Variants in SMR3B observed in about 807,000 individuals in gnomAD.
SMR3B encodes the protein submaxillary gland androgen-regulated protein 3B.
For synonymous variants in SMR3B, 42 were observed against 36.1 expected, an observed-to-expected ratio of 1.16 and a Z score of -0.59; for missense variants, 114 against 99.9, an observed-to-expected ratio of 1.14 and a Z score of -0.60.
chr4:70,387,962 A>C (rs1485995108), intron 2 of SMR3B, among the ~76,000 whole-genome samples: 2 of 152,198 alleles, frequency 1.3e-5, no homozygotes, highest in Non-Finnish European at 2.9e-5. Flanking sequence ...GTTTAGATTT[A>C]ACAAGGGTAA....
rs751349249 is a variant in SMR3B, at chr4:70,389,650, C to A, written c.55-13C>A. 4 of 1,610,392 alleles carry A rather than the reference C, an allele frequency of 2.5e-6. No individual in the cohort carries two copies. Among genetic ancestry groups the A allele is most frequent in the Non-Finnish European group, 3.4e-6 (4 of 1,177,666 alleles). On this transcript the variant is annotated splice_polypyrimidine_tract_variant and intron_variant, in intron 2 of 2. Coordinates refer to ENST00000304915, the MANE Select transcript of SMR3B (RefSeq NM_006685.4). ...ATATCTGATTTGAAATTATTTACTTCTTATTTCCACAGCCTGGTGAGAGTC... is the reference window on the plus strand; with the variant it reads ...ATATCTGATTTGAAATTATTTACTTATTATTTCCACAGCCTGGTGAGAGTC...
At chr4:70,386,279 AAAAAAAAAGAAAAAAG>A (rs1166472302) in intron 2 of SMR3B, among the ~76,000 whole-genome samples, 2 of 151,492 alleles carry the variant, frequency 1.3e-5, no homozygotes, top group African/African-American at 2.4e-5. Flanking sequence ...TCTCAAAAAA[AAAAAAAAAGAAAAAAG>A]AAAAAGATAG....
chr4:70,389,838 C>G lies in SMR3B; in HGVS notation c.230C>G (p.Pro77Arg), dbSNP rs767499999. 9 of 1,613,838 alleles carry G rather than the reference C, an allele frequency of 5.6e-6. No homozygotes were observed. In the East Asian group the frequency reaches 1.8e-4, roughly 32 times the overall value. The change falls in exon 3 of 3, where the codon CCT (proline) becomes CGT (arginine). Residue 77 changes from proline to arginine, a missense_variant. Transcript: ENST00000304915. Reference protein sequence around the residue: ...YGPGIFPPPPPQP With the variant: ...YGPGIFPPPPRQP Reference sequence around the variant, plus strand: ...CCAGGGATATTTCCACCACCCCCTCCTCAACCCTAAGGTCCACCACTCCAT... The same window carrying G: ...CCAGGGATATTTCCACCACCCCCTCGTCAACCCTAAGGTCCACCACTCCAT...
chr4:70,384,349 T>C, intron 1 of SMR3B, 148 bp from the exon 2 acceptor site: 1 of 1,358,616 alleles, frequency 7.4e-7, no homozygotes, highest in Non-Finnish European at 9.9e-7. Flanking sequence ...CCCACAGTAA[T>C]ACTGAATTCA....
At chr4:70,387,109 G>A (rs1181944445) in intron 2 of SMR3B, among the ~76,000 whole-genome samples, 1 of 152,144 alleles carries the variant, frequency 6.6e-6, no homozygotes, top group Non-Finnish European at 1.5e-5. Flanking sequence ...CCCTTTCAAA[G>A]TTTCAAAGTT....
chr4:70,385,254 T>C (rs2109760381), intron 2 of SMR3B, among the ~76,000 whole-genome samples: 1 of 152,304 alleles, frequency 6.6e-6, no homozygotes, highest in Middle Eastern at 3.4e-3. Context: ...CAGAGTAATT[T>C]CCACCAAAGT....
chr4:70,389,392 C>T (rs1282235509), intron 2 of SMR3B, among the ~76,000 whole-genome samples: 7 of 152,186 alleles, frequency 4.6e-5, no homozygotes, highest in Admixed American at 4.6e-4. Flanking sequence ...TACCATGTAC[C>T]TCCACATGGC....
intron 2 of SMR3B, 71 bp from the exon 3 acceptor site, chr4:70,389,592 C>T (rs1732723680): frequency 6.8e-7 from 1 of 1,475,076 alleles, no homozygotes; most frequent in Non-Finnish European, 9.3e-7. Flanking sequence ...CTGCTTACCA[C>T]AGAAAGCATT....
At chr4:70,385,398 G>GTTT (rs71210170) in intron 2 of SMR3B, among the ~76,000 whole-genome samples, 4 of 107,048 alleles carry the variant, frequency 3.7e-5, no homozygotes, top group Non-Finnish European at 5.5e-5. Flanking sequence ...CATCTACTTT[G>GTTT]TTTTTTTTTT....
intron 2 of SMR3B, chr4:70,385,052 G>A (rs6857147): frequency 0.95 from 145,135 of 152,818 alleles, 68,990 homozygotes; most frequent in East Asian, 1. Context: ...CTAAATTTTG[G>A]GAGAATGCTA....
chr4:70,384,021 T>TA (rs1732609017), intron 1 of SMR3B, among the ~76,000 whole-genome samples: 2 of 151,700 alleles, frequency 1.3e-5, no homozygotes, highest in Admixed American at 1.3e-4. Flanking sequence ...ATTCCTTTTT[T>TA]TTTTCCTTAT....
Position 70,390,095 on chromosome 4 carries a change from C to A in SMR3B, c.*247C>A, listed in dbSNP as rs1732737440. On this transcript the variant is annotated 3_prime_UTR_variant, in exon 3 of 3. Coordinates refer to ENST00000304915, the MANE Select transcript of SMR3B (RefSeq NM_006685.4). Reference sequence around the variant, plus strand: ...CAACACTGCTTCCAAGAGACATTTACATAAAATTGCTTCCATTTTTGGATG... The same window carrying A: ...CAACACTGCTTCCAAGAGACATTTAAATAAAATTGCTTCCATTTTTGGATG... 6.3e-6 allele frequency: 5 copies of A among 798,576 alleles called. No individual in the cohort carries two copies. In the African/African-American group the frequency reaches 6.8e-5, roughly 11 times the overall value. 49.5% of individuals were successfully genotyped at this position (798,576 alleles called of 1,614,324 possible). A position where few individuals can be genotyped will look rare whatever the true frequency, so the allele number is the denominator to read the frequency against.
intron 2 of SMR3B, among the ~76,000 whole-genome samples, chr4:70,386,219 G>A (rs936856939): frequency 9.5e-5 from 14 of 147,092 alleles, no homozygotes; most frequent in African/African-American, 3.5e-4. Context: ...ATTGCAGCGA[G>A]CCAAGATTGT....
chr4:70,387,966 A>T (rs1210457030), intron 2 of SMR3B, among the ~76,000 whole-genome samples: 1 of 152,214 alleles, frequency 6.6e-6, no homozygotes, highest in Non-Finnish European at 1.5e-5. Context: ...AGATTTAACA[A>T]GGGTAATACC....
chr4:70,384,768 T>C lies in SMR3B; in HGVS notation c.54+204T>C. On this transcript the variant is annotated intron_variant, in intron 2 of 2. Coordinates refer to ENST00000304915, the MANE Select transcript of SMR3B (RefSeq NM_006685.4). ...TCTGATGGCTGCCATACTGGACAGC[T>C]CAAGTCTGTGGTATCAGACTGCATT... The C allele has an allele frequency of 6.6e-6, 7 of 1,053,524 alleles. No individual in the cohort carries two copies. The East Asian group carries it at 1.1e-4, about 16-fold the overall frequency. The allele number at this position is 1,053,524 out of a possible 1,614,324, so 65.3% of individuals were successfully genotyped here.
chr4:70,386,311 T>C (rs1040103011), intron 2 of SMR3B, among the ~76,000 whole-genome samples: 7 of 151,684 alleles, frequency 4.6e-5, no homozygotes, highest in Non-Finnish European at 8.8e-5. Context: ...GATAGTTTTC[T>C]GATAACATAA....
chr4:70,384,088 T>C (rs1732610507), intron 1 of SMR3B, among the ~76,000 whole-genome samples: 1 of 152,000 alleles, frequency 6.6e-6, no homozygotes. Context: ...AAAATGTTAA[T>C]ATCTCAAACC....
rs565960643 is a variant in SMR3B, at chr4:70,389,564, T to C, written c.55-99T>C. 3 of 1,254,736 alleles carry C rather than the reference T, an allele frequency of 2.4e-6. No individual in the cohort carries two copies. The Admixed American group carries it at 6.3e-5, about 26-fold the overall frequency. The allele number at this position is 1,254,736 out of a possible 1,614,324, so 77.7% of individuals were successfully genotyped here. A position where few individuals can be genotyped will look rare whatever the true frequency, so the allele number is the denominator to read the frequency against. On this transcript the variant is annotated intron_variant, in intron 2 of 2. Transcript: ENST00000304915. ...ATGTGCCAGCAGGGAGTAGAAATCT[T>C]GGGGCCATCTCAGAGTTCTGCTTAC...
At chr4:70,386,132 G>A (rs1391827655) in intron 2 of SMR3B, among the ~76,000 whole-genome samples, 1 of 151,724 alleles carries the variant, frequency 6.6e-6, no homozygotes, top group Non-Finnish European at 1.5e-5. Context: ...AATTAGCTAG[G>A]CATGATGGCA....
Sources: allele counts gnomAD v4.1 joint callset (sites outside exome capture counted in the v4.1 genomes callset), GRCh38; gene constraint gnomAD v4.1.1; transcripts MANE v1.5; gene names NCBI Gene and HGNC (gene_info 2026-07-23, HGNC 2026-07-21).